The following PCYT1A variants were observed in gnomAD, a reference collection of about 807,000 sequenced individuals.
PCYT1A encodes choline-phosphate cytidylyltransferase A.
In PCYT1A, 25 loss-of-function variants were observed where a neutral mutation model predicts 43.7. The ratio of observed to expected loss-of-function variants is 0.57; its 90% CI spans 0.42 to 0.80. The LOEUF (loss-of-function observed/expected upper bound fraction) is 0.80, where lower values mean the gene tolerates loss of function less well. Ranked by LOEUF, PCYT1A falls within the 30% of genes least tolerant of loss-of-function variation. The probability of loss-of-function intolerance (pLI) is 0.00; values close to 1 mark genes in which losing one functional copy is unlikely to be tolerated. For synonymous variants in PCYT1A, 172 were observed against 170.7 expected (o/e 1.01, Z -0.06); for missense variants, 421 against 474.2 (o/e 0.89, Z 1.04).
intron 7 of PCYT1A, chr3:196,241,691 G>T: frequency 7.1e-7 from 1 of 1,413,370 alleles, no homozygotes; most frequent in Non-Finnish European, 9.4e-7. Flanking sequence ...TTTATTGACA[G>T]AAATACTGCA....
intron 2 of PCYT1A, 80 bp from the exon 3 acceptor site, chr3:196,257,967 G>T: frequency 1.3e-6 from 1 of 793,602 alleles, no homozygotes; most frequent in East Asian, 2.6e-5. Flanking sequence ...AAAGATGAGA[G>T]AAAGGAGATT....
intron 4 of PCYT1A, 80 bp downstream of exon 4, chr3:196,248,127 C>A: frequency 1.2e-6 from 1 of 801,580 alleles, no homozygotes. Flanking sequence ...AAACAAGAGC[C>A]AGTGTACTCA....
chr3:196,287,447 T>G (rs1218054973), intron 1 of PCYT1A, 168 bp downstream of exon 1: 1 of 152,562 alleles, frequency 6.6e-6, no homozygotes, highest in African/African-American at 2.4e-5. Flanking sequence ...TCACTGCTCC[T>G]GGGTCACAGT....
At position 196,238,296 on chromosome 3, in the gene PCYT1A, C is replaced by T. The variant is rs1464471796; in HGVS notation, c.*392G>A. 6.3e-6 allele frequency: 1 copy of T among 158,962 alleles called. No homozygotes were observed. The highest frequency in any genetic ancestry group is 2.4e-5 in the African/African-American group (1 of 41,726). The allele number at this position is 158,962 out of a possible 1,614,324, so 9.8% of individuals were successfully genotyped here. A position where few individuals can be genotyped will look rare whatever the true frequency, so the allele number is the denominator to read the frequency against. On this transcript the variant is annotated 3_prime_UTR_variant, in exon 9 of 9. Transcript: ENST00000431016. Reference sequence around the variant, plus strand: ...ATAGTATACCGGGAAGAAAAGGCCTCTGCGTATTACACTACCTCCTTCTTC... The same window carrying T: ...ATAGTATACCGGGAAGAAAAGGCCTTTGCGTATTACACTACCTCCTTCTTC...
intron 1 of PCYT1A, among the ~76,000 whole-genome samples, chr3:196,272,739 CTTAT>C (rs906013669): frequency 2.6e-5 from 4 of 152,204 alleles, no homozygotes; most frequent in African/African-American, 4.8e-5. Flanking sequence ...CCCAAAGGAA[CTTAT>C]TTATTATTGT....
intron 7 of PCYT1A, chr3:196,239,987 G>A (rs891942587): frequency 6.9e-6 from 3 of 435,710 alleles, no homozygotes; most frequent in African/African-American, 2.0e-5. Context: ...CCCAGTAACA[G>A]GCACGTAGCC....
intron 3 of PCYT1A, among the ~76,000 whole-genome samples, chr3:196,249,772 T>C (rs1329853989): frequency 2.0e-5 from 3 of 152,024 alleles, no homozygotes; most frequent in Non-Finnish European, 2.9e-5. Context: ...TACACTATGC[T>C]GAGGTTGAGG....
intron 1 of PCYT1A, among the ~76,000 whole-genome samples, chr3:196,279,819 GTCCTT>G: frequency 7.1e-6 from 1 of 140,758 alleles, no homozygotes; most frequent in Non-Finnish European, 1.5e-5. Flanking sequence ...CTCCTATCCA[GTCCTT>G]TCTTTTTTTT....
intron 5 of PCYT1A, among the ~76,000 whole-genome samples, chr3:196,245,832 T>C (rs983129160): frequency 1.3e-5 from 2 of 151,590 alleles, no homozygotes; most frequent in African/African-American, 4.9e-5. Flanking sequence ...GCACCTGTAA[T>C]CCCAGCTACT....
chr3:196,270,539 T>C lies in PCYT1A; in HGVS notation c.-8A>G. The C allele has an allele frequency of 1.9e-6, 3 of 1,600,718 alleles. No individual in the cohort carries two copies. Among genetic ancestry groups the C allele is most frequent in the Non-Finnish European group, 2.6e-6 (3 of 1,167,858 alleles). On this transcript the variant is annotated splice_region_variant and 5_prime_UTR_variant, in exon 2 of 9. Coordinates refer to ENST00000431016, the MANE Select transcript of PCYT1A (RefSeq NM_001312673.2). ...TGAACACTGTGCATCCATCTTCTTT[T>C]AACTGGTCATAGAAAGTGAAAACAA...
rs746667735 is a variant in PCYT1A, at chr3:196,238,815, CG to C, written c.976del (p.Arg326AlafsTer171). Reference sequence around the variant, plus strand: ...GAAAGAGGGGGAGGGGGAGCGCTCGCGAGTAGGGCTGCTGCTGGGGCTCTGC... The same window carrying C: ...GAAAGAGGGGGAGGGGGAGCGCTCGCAGTAGGGCTGCTGCTGGGGCTCTGC... ...PKQSPSSSPT[R>X]ERSPSPSFRW... On this transcript the variant is annotated frameshift_variant, in exon 9 of 9. Coordinates refer to ENST00000431016, the MANE Select transcript of PCYT1A (RefSeq NM_001312673.2). LOFTEE classifies it high-confidence loss of function. The C allele has an allele frequency of 6.4e-7, 1 of 1,573,388 alleles. No homozygotes were observed. The highest frequency in any genetic ancestry group is 2.4e-5 in the East Asian group (1 of 40,912).
intron 8 of PCYT1A, 52 bp downstream of exon 8, chr3:196,239,495 A>G: frequency 2.5e-6 from 3 of 1,207,166 alleles, no homozygotes; most frequent in Admixed American, 1.8e-5. Flanking sequence ...TGATTCTGTC[A>G]TTCTTTCCAC....
Position 196,235,344 on chromosome 3 carries a change from C to T in PCYT1A, c.*3344G>A, listed in dbSNP as rs935815385. On this transcript the variant is annotated 3_prime_UTR_variant, in exon 9 of 9. Transcript: ENST00000431016. The surrounding 1 kb of genome is among the most constrained non-coding windows in gnomAD (Gnocchi z 4.3). ...AAACACCACCATCACTCAGGTGCAG[C>T]CTAAGGAGTCATCAGTGATCAGAAA... is the stretch of plus-strand genomic sequence containing the variant. The T allele has an allele frequency of 1.3e-5, 2 of 152,266 alleles. No individual in the cohort carries two copies. The highest frequency in any genetic ancestry group is 2.9e-5 in the Non-Finnish European group (2 of 68,074). 9.4% of individuals were successfully genotyped at this position (152,266 alleles called of 1,614,324 possible).
chr3:196,267,608 T>C (rs908648304), intron 2 of PCYT1A, among the ~76,000 whole-genome samples: 1 of 151,960 alleles, frequency 6.6e-6, no homozygotes, highest in Non-Finnish European at 1.5e-5. Context: ...TCCCAGCTAC[T>C]TGGGAGGCTG....
At chr3:196,279,285 TC>T (rs1725683335) in intron 1 of PCYT1A, among the ~76,000 whole-genome samples, 1 of 89,898 alleles carries the variant, frequency 1.1e-5, no homozygotes, top group African/African-American at 4.2e-5. Context: ...TGAAACTCTA[TC>T]AAAAAAAAAA....
chr3:196,238,620 G>T lies in PCYT1A; in HGVS notation c.*68C>A. On this transcript the variant is annotated 3_prime_UTR_variant, in exon 9 of 9. Coordinates refer to ENST00000431016, the MANE Select transcript of PCYT1A (RefSeq NM_001312673.2). ...AGGTTTAGTGTTGGGGTCACAATTT[G>T]GAATTCAACAGAGAGCTTCTGAAGG... 1 of 1,076,256 alleles carries T rather than the reference G, an allele frequency of 9.3e-7. No individual in the cohort carries two copies. The highest frequency in any genetic ancestry group is 1.3e-6 in the Non-Finnish European group (1 of 764,554). 66.7% of individuals were successfully genotyped at this position (1,076,256 alleles called of 1,614,324 possible). A position where few individuals can be genotyped will look rare whatever the true frequency, so the allele number is the denominator to read the frequency against.
intron 5 of PCYT1A, among the ~76,000 whole-genome samples, chr3:196,243,828 A>G (rs2108763718): frequency 6.6e-6 from 1 of 152,328 alleles, no homozygotes; most frequent in South Asian, 2.1e-4. Flanking sequence ...AGTCTCGTTC[A>G]CTCAGTGCTC....
At chr3:196,241,898 G>A in intron 7 of PCYT1A, 50 bp downstream of exon 7, 1 of 1,603,252 alleles carries the variant, frequency 6.2e-7, no homozygotes, top group Non-Finnish European at 8.5e-7. Flanking sequence ...AGTGGGAGGT[G>A]ATATGTCTCC....
At chr3:196,258,300 AAG>A (rs1491449416) in intron 2 of PCYT1A, among the ~76,000 whole-genome samples, 5 of 151,788 alleles carry the variant, frequency 3.3e-5, no homozygotes, top group Non-Finnish European at 5.9e-5. Flanking sequence ...AAAAAAAAAA[AAG>A]AGTTTTTGTT....
Sources: allele counts gnomAD v4.1 joint callset (sites outside exome capture counted in the v4.1 genomes callset), GRCh38; gene constraint gnomAD v4.1.1; non-coding constraint Gnocchi (gnomAD v3.1); transcripts MANE v1.5; gene names NCBI Gene and HGNC (gene_info 2026-07-23, HGNC 2026-07-21).